The following GPC6 variants were observed in gnomAD, a reference collection of about 807,000 sequenced individuals.
The protein encoded by GPC6 is glypican-6.
GPC6 carries 14 observed loss-of-function variants against 55.2 expected under a neutral mutation model. The ratio of observed to expected loss-of-function variants is 0.25; its 90% CI spans 0.17 to 0.40. GPC6 has a LOEUF of 0.40. Among genes scored for constraint, GPC6 ranks in the 10% least tolerant of loss-of-function variants. GPC6 has a pLI of 1.00. For synonymous variants in GPC6, 278 were observed against 259.6 expected, an observed-to-expected ratio of 1.07 and a Z score of -0.68; for missense variants, 641 against 708.5, an observed-to-expected ratio of 0.90 and a Z score of 1.08.
chr13:93,457,852 G>A (rs1369710360), intron 1 of GPC6, among the ~76,000 whole-genome samples: 1 of 151,930 alleles, frequency 6.6e-6, no homozygotes, highest in Non-Finnish European at 1.5e-5. Flanking sequence ...AAGAAAACTA[G>A]ACATCTATTT....
intron 1 of GPC6, among the ~76,000 whole-genome samples, chr13:93,376,776 CTT>C (rs58608553): frequency 2.6e-3 from 357 of 139,690 alleles, no homozygotes; most frequent in East Asian, 0.023. Flanking sequence ...TTCTTGCTCA[CTT>C]TTTTTTTTTT....
chr13:93,861,936 A>G (rs141311994), intron 3 of GPC6, among the ~76,000 whole-genome samples: 59 of 151,772 alleles, frequency 3.9e-4, no homozygotes, highest in African/African-American at 1.4e-3. Flanking sequence ...CTTCAGTAAG[A>G]TAAGGAGACA....
chr13:93,430,975 T>G (rs568869397), intron 1 of GPC6, among the ~76,000 whole-genome samples: 1 of 152,300 alleles, frequency 6.6e-6, no homozygotes, highest in East Asian at 1.9e-4. Flanking sequence ...AAATTAGGCC[T>G]GGATGTACCA....
chr13:93,293,135 A>T (rs1267853118), intron 1 of GPC6, among the ~76,000 whole-genome samples: 4 of 151,696 alleles, frequency 2.6e-5, no homozygotes, highest in Non-Finnish European at 2.9e-5. Flanking sequence ...GGCACACACC[A>T]CCATCTCGGG....
intron 2 of GPC6, among the ~76,000 whole-genome samples, chr13:93,716,090 G>T (rs1044295168): frequency 1.3e-5 from 2 of 151,572 alleles, no homozygotes; most frequent in Non-Finnish European, 3.0e-5. Context: ...TGTGTTTGTG[G>T]TGGTGCTGGC....
At chr13:93,554,759 C>T (rs1166661110) in intron 2 of GPC6, among the ~76,000 whole-genome samples, 1 of 152,150 alleles carries the variant, frequency 6.6e-6, no homozygotes, top group African/African-American at 2.4e-5. Context: ...TAGACAAGAA[C>T]AGGATCCTGA....
At chr13:93,771,876 T>G (rs1010804594) in intron 2 of GPC6, among the ~76,000 whole-genome samples, 2 of 152,152 alleles carry the variant, frequency 1.3e-5, no homozygotes, top group Admixed American at 1.3e-4. Context: ...GAATCAAACT[T>G]AGATTAGTTT....
At chr13:93,592,176 C>A (rs1877519118) in intron 2 of GPC6, among the ~76,000 whole-genome samples, 1 of 151,360 alleles carries the variant, frequency 6.6e-6, no homozygotes, top group Non-Finnish European at 1.5e-5. Flanking sequence ...TTCAAAATAT[C>A]TGGAAATTCC....
chr13:94,264,657 C>G (rs375350578), intron 4 of GPC6, among the ~76,000 whole-genome samples: 56 of 152,308 alleles, frequency 3.7e-4, no homozygotes, highest in East Asian at 3.7e-3. Flanking sequence ...GGAAGAAGCT[C>G]TTAGCAATTC....
chr13:93,457,886 C>T (rs969123586), intron 1 of GPC6, among the ~76,000 whole-genome samples: 4 of 152,126 alleles, frequency 2.6e-5, no homozygotes, highest in African/African-American at 7.2e-5. Flanking sequence ...AGATTTGTAG[C>T]TGTCTAGCTA....
At chr13:93,895,265 T>C (rs1336262071) in intron 3 of GPC6, among the ~76,000 whole-genome samples, 5 of 137,498 alleles carry the variant, frequency 3.6e-5, no homozygotes, top group African/African-American at 1.4e-4. Context: ...TATATATATA[T>C]ATATATATAT....
chr13:94,129,222 A>G (rs1180289263), intron 4 of GPC6, among the ~76,000 whole-genome samples: 1 of 152,174 alleles, frequency 6.6e-6, no homozygotes, highest in Non-Finnish European at 1.5e-5. Flanking sequence ...ATCCTAAACC[A>G]CCACTTGAAT....
At chr13:93,920,753 A>G (rs1014421440) in intron 3 of GPC6, among the ~76,000 whole-genome samples, 4 of 151,728 alleles carry the variant, frequency 2.6e-5, no homozygotes, top group East Asian at 1.9e-4. Context: ...CCCCATGTCA[A>G]TTTTCTCTGC....
At chr13:93,531,172 C>A (rs1008660087) in intron 1 of GPC6, among the ~76,000 whole-genome samples, 3 of 151,970 alleles carry the variant, frequency 2.0e-5, no homozygotes, top group Non-Finnish European at 2.9e-5. Flanking sequence ...GTATTCTGTT[C>A]ATGGAGTCCC....
intron 3 of GPC6, among the ~76,000 whole-genome samples, chr13:93,950,840 T>C (rs1195151077): frequency 1.3e-5 from 2 of 151,990 alleles, no homozygotes; most frequent in South Asian, 2.1e-4. Context: ...TGGACATTCA[T>C]AAAGGAGAAA....
intron 2 of GPC6, among the ~76,000 whole-genome samples, chr13:93,654,286 C>T (rs1880556938): frequency 1.3e-5 from 2 of 152,080 alleles, no homozygotes; most frequent in Non-Finnish European, 2.9e-5. Flanking sequence ...CAGAATCTCA[C>T]TCTGTCGCCC....
At chr13:94,084,964 G>T (rs1277357558) in intron 4 of GPC6, among the ~76,000 whole-genome samples, 1 of 151,994 alleles carries the variant, frequency 6.6e-6, no homozygotes, top group Non-Finnish European at 1.5e-5. Context: ...AAGTAAAATT[G>T]GAAAGAGATA....
chr13:94,090,683 TA>T (rs1885448060), intron 4 of GPC6, among the ~76,000 whole-genome samples: 1 of 7,082 alleles, frequency 1.4e-4, no homozygotes, highest in Non-Finnish European at 5.2e-4. Flanking sequence ...CATTACTTAA[TA>T]CTTACATCAA....
At chr13:94,039,618 CA>C (rs2138737445) in intron 4 of GPC6, among the ~76,000 whole-genome samples, 1 of 151,944 alleles carries the variant, frequency 6.6e-6, no homozygotes, top group South Asian at 2.1e-4. Context: ...ACAGTGGGAC[CA>C]AAAGTGGAAA....
Sources: gnomAD v4.1 joint callset for allele counts (sites outside exome capture counted in the v4.1 genomes callset) on GRCh38, gnomAD v4.1.1 for gene constraint, MANE v1.5 for transcripts, NCBI Gene and HGNC (gene_info 2026-07-23, HGNC 2026-07-21) for gene names.